Variants in CYTH3 observed in about 807,000 individuals in gnomAD.
CYTH3 encodes the protein cytohesin-3.
A neutral mutation model predicts 55.1 loss-of-function variants in CYTH3; 23 were observed. The observed-to-expected ratio is 0.42, with a 90% CI of 0.30 to 0.59. The LOEUF is 0.59. Ranked by LOEUF, CYTH3 falls within the 20% of genes least tolerant of loss-of-function variation. The pLI is 0.20. For missense variants in CYTH3, 413 were observed against 524.8 expected, an observed-to-expected ratio of 0.79 and a Z score of 2.08; for synonymous variants, 249 against 194.9, an observed-to-expected ratio of 1.28 and a Z score of -2.31.
At chr7:6,265,281 C>T (rs1780459386) in intron 1 of CYTH3, among the ~76,000 whole-genome samples, 1 of 151,738 alleles carries the variant, frequency 6.6e-6, no homozygotes, top group Admixed American at 6.6e-5. Context: ...ATATGTGGCC[C>T]ACAAAGCCTA....
At chr7:6,172,312 ACT>A (rs935439661) in intron 6 of CYTH3, among the ~76,000 whole-genome samples, 4 of 150,296 alleles carry the variant, frequency 2.7e-5, no homozygotes, top group Non-Finnish European at 5.9e-5. Context: ...GTCTGGCCCC[ACT>A]CTCTACCAGG....
At chr7:6,209,545 AAG>A (rs1411373566) in intron 1 of CYTH3, among the ~76,000 whole-genome samples, 2 of 152,214 alleles carry the variant, frequency 1.3e-5, no homozygotes, top group Non-Finnish European at 2.9e-5. Context: ...GACACTTTGG[AAG>A]ACAGTTTGGC....
At chr7:6,172,497 T>C (rs1783227889) in intron 6 of CYTH3, among the ~76,000 whole-genome samples, 1 of 152,152 alleles carries the variant, frequency 6.6e-6, no homozygotes, top group African/African-American at 2.4e-5. Context: ...CACACAGGCT[T>C]GCCGTGCCCC....
chr7:6,195,759 T>C (rs1783909001), intron 1 of CYTH3, among the ~76,000 whole-genome samples: 1 of 152,230 alleles, frequency 6.6e-6, no homozygotes, highest in Non-Finnish European at 1.5e-5. Context: ...GCCATTATTA[T>C]CCTCGTTTTA....
At chr7:6,202,566 C>T (rs181045013) in intron 1 of CYTH3, among the ~76,000 whole-genome samples, 1 of 150,358 alleles carries the variant, frequency 6.7e-6, no homozygotes, top group East Asian at 2.0e-4. Flanking sequence ...TGGGTTCAAT[C>T]GATTCTCCTG....
chr7:6,253,532 A>G (rs1283879704), intron 1 of CYTH3, among the ~76,000 whole-genome samples: 1 of 152,070 alleles, frequency 6.6e-6, no homozygotes, highest in African/African-American at 2.4e-5. Context: ...TTAAAATTAA[A>G]AACAGCCGGG....
chr7:6,191,040 G>A (rs903559541), intron 1 of CYTH3, among the ~76,000 whole-genome samples: 1 of 151,658 alleles, frequency 6.6e-6, no homozygotes, highest in South Asian at 2.1e-4. Flanking sequence ...TCACATCACT[G>A]CACTCCAGCC....
At position 6,167,555 on chromosome 7, in the gene CYTH3, CT is replaced by C. The variant is rs1023884693; in HGVS notation, c.824-1746del. ...TCCCCCAAACAGCGGCCAAAGGCAT[CT>C]TTTCAAAAACGTGGCAATCATGCCC... On this transcript the variant is annotated intron_variant, in intron 9 of 12. Coordinates refer to ENST00000350796, the MANE Select transcript of CYTH3 (RefSeq NM_004227.4). This position sits in a 1 kb window ranked among gnomAD's most constrained non-coding sequence, Gnocchi z 5.5. Among the ~76,000 whole-genome samples, 4 of 152,268 alleles carry C rather than the reference CT, an allele frequency of 2.6e-5. No individual in the cohort carries two copies. Among genetic ancestry groups the C allele is most frequent in the Non-Finnish European group, 4.4e-5 (3 of 68,044 alleles).
chr7:6,243,601 G>C (rs1779729937), intron 1 of CYTH3, among the ~76,000 whole-genome samples: 1 of 152,264 alleles, frequency 6.6e-6, no homozygotes, highest in African/African-American at 2.4e-5. Context: ...ATTTGGTTTG[G>C]GTTTAGTGGA....
chr7:6,243,426 G>T (rs911680560), intron 1 of CYTH3, among the ~76,000 whole-genome samples: 2 of 152,198 alleles, frequency 1.3e-5, no homozygotes, highest in African/African-American at 4.8e-5. Flanking sequence ...CAGGATGGGG[G>T]TGGGGAAGCA....
intron 2 of CYTH3, among the ~76,000 whole-genome samples, chr7:6,188,548 T>G (rs1271512981): frequency 1.3e-5 from 2 of 152,124 alleles, no homozygotes; most frequent in Non-Finnish European, 2.9e-5. Context: ...TTTAGGTCAG[T>G]GGTCTCAGGA....
chr7:6,262,684 T>C (rs1780381452), intron 1 of CYTH3, among the ~76,000 whole-genome samples: 1 of 152,200 alleles, frequency 6.6e-6, no homozygotes, highest in Non-Finnish European at 1.5e-5. Context: ...AGACCTCCCA[T>C]CTTTACAAAA....
intron 1 of CYTH3, among the ~76,000 whole-genome samples, chr7:6,234,046 T>C (rs1461571006): frequency 6.6e-6 from 1 of 152,222 alleles, no homozygotes; most frequent in Non-Finnish European, 1.5e-5. Context: ...CACCTCCTAG[T>C]ACCATCACCT....
Position 6,187,689 on chromosome 7 carries a change from T to C in CYTH3, c.150A>G (p.Thr50=). The C allele has an allele frequency of 6.2e-7, 1 of 1,614,040 alleles. No homozygotes were observed. The change falls in exon 3 of 13, where the codon ACA becomes ACG. Residue 50 remains threonine, a synonymous_variant. Transcript: ENST00000350796. ...RLKYEIAEVM[T]EIDNLTSVEE... ...CTACGGAAGTTAGATTGTCGATCTC[T>C]GTCATCACCTCTGCAATTTCATATT...
chr7:6,166,128 C>T (rs150906224), intron 9 of CYTH3, among the ~76,000 whole-genome samples: 4 of 152,316 alleles, frequency 2.6e-5, no homozygotes, highest in African/African-American at 4.8e-5. Flanking sequence ...CAGGACTGCG[C>T]GCCTGGCTCT....
rs536615409 is a variant in CYTH3, at chr7:6,188,101, G to A, written c.118-380C>T. On this transcript the variant is annotated intron_variant, in intron 2 of 12. Coordinates refer to ENST00000350796, the MANE Select transcript of CYTH3 (RefSeq NM_004227.4). ...CAGCATTTTGGGAGGTTGAAGCAGA[G>A]GGATCGCTTGAGATCAGGAGTTTGA... Among the ~76,000 whole-genome samples the A allele has an allele frequency of 2.0e-5, 3 of 152,204 alleles. No homozygotes were observed. The South Asian group carries it at 6.2e-4, about 32-fold the overall frequency.
chr7:6,209,278 T>A (rs965821366), intron 1 of CYTH3, among the ~76,000 whole-genome samples: 7 of 152,212 alleles, frequency 4.6e-5, no homozygotes, highest in Admixed American at 3.3e-4. Flanking sequence ...TTACTAGAAA[T>A]TTCAAATTAA....
intron 1 of CYTH3, among the ~76,000 whole-genome samples, chr7:6,250,628 C>T (rs75493913): frequency 0.055 from 8,433 of 152,196 alleles, 687 homozygotes; most frequent in East Asian, 0.42. Flanking sequence ...ATTCCATTTA[C>T]GTGACATGTC....
intron 1 of CYTH3, among the ~76,000 whole-genome samples, chr7:6,247,886 TAA>T (rs1779862225): frequency 6.6e-6 from 1 of 151,834 alleles, no homozygotes; most frequent in Admixed American, 6.6e-5. Flanking sequence ...CTCCTGGTCT[TAA>T]ACTCCTGGGC....
Sources: gnomAD v4.1 joint callset for allele counts (sites outside exome capture counted in the v4.1 genomes callset) on GRCh38, gnomAD v4.1.1 for gene constraint, Gnocchi (gnomAD v3.1) non-coding constraint, MANE v1.5 for transcripts, NCBI Gene and HGNC (gene_info 2026-07-23, HGNC 2026-07-21) for gene names.